The following FREM1 variants were observed in gnomAD, a reference collection of about 807,000 sequenced individuals.
The protein encoded by FREM1 is FRAS1-related extracellular matrix protein 1.
FREM1 carries 220 observed loss-of-function variants against 210.1 expected under a neutral mutation model. That is an observed-to-expected ratio of 1.05 (90% CI 0.94 to 1.17). The LOEUF is 1.17. Ranked by LOEUF, FREM1 falls within the 50% of genes most tolerant of loss-of-function variation. The pLI is 0.00. For missense variants in FREM1, 3,454 were observed against 2,675.5 expected (o/e 1.29, Z -6.42); for synonymous variants, 1,189 against 980.2 (o/e 1.21, Z -3.98).
In FREM1 at chr9:14,807,991, G is replaced by C; in HGVS notation, c.3037C>G (p.Leu1013Val). 1 of 1,613,824 alleles carries C rather than the reference G, an allele frequency of 6.2e-7. No homozygotes were observed. Among genetic ancestry groups the C allele is most frequent in the South Asian group, 1.1e-5 (1 of 91,068 alleles). The part of the protein sequence containing the change: ...PLHASFPVYD[L>V]NITVYPVDNQ... ...TCTACTGGGTATACCGTGATGTTGA[G>C]ATCATACACTGGAAAGGACGCATGA... The change falls in exon 17 of 37, where the codon CTC becomes GTC. Residue 1013 changes from leucine (L) to valine (V), a missense_variant. Transcript: ENST00000380880.
chr9:14,814,071 A>C (rs1207185689), intron 15 of FREM1, among the ~76,000 whole-genome samples: 1 of 151,818 alleles, frequency 6.6e-6, no homozygotes, highest in Non-Finnish European at 1.5e-5. Flanking sequence ...CTCTCTCCCC[A>C]CTGCCCACGT....
intron 2 of FREM1, among the ~76,000 whole-genome samples, chr9:14,866,203 C>A (rs7848161): frequency 0.013 from 1,958 of 152,234 alleles, 46 homozygotes; most frequent in African/African-American, 0.045. Context: ...TTTCTAGTAA[C>A]TGGAGTTTTA....
chr9:14,827,788 G>A (rs1822754935), intron 10 of FREM1, among the ~76,000 whole-genome samples: 1 of 152,174 alleles, frequency 6.6e-6, no homozygotes, highest in African/African-American at 2.4e-5. Context: ...GGACCTGTGG[G>A]GTCTCTGCCC....
chr9:14,827,080 A>G (rs1413200473), intron 10 of FREM1, among the ~76,000 whole-genome samples: 4 of 152,326 alleles, frequency 2.6e-5, no homozygotes, highest in Admixed American at 1.3e-4. Context: ...ACAGACTGGA[A>G]GAATTTGGAG....
At chr9:14,783,529 G>A (rs959984642) in intron 24 of FREM1, among the ~76,000 whole-genome samples, 4 of 152,118 alleles carry the variant, frequency 2.6e-5, no homozygotes, top group African/African-American at 9.7e-5. Flanking sequence ...TGTATACAAT[G>A]GTTCGTTCAA....
At position 14,819,370 on chromosome 9, in the gene FREM1, C is replaced by G; in HGVS notation, c.2410G>C (p.Asp804His). ...ATATTGTCCAGCTTGGTATCTGCATCAGAAATTAGAATGTGCTCTGTGCTG... is the reference window on the plus strand; with the variant it reads ...ATATTGTCCAGCTTGGTATCTGCATGAGAAATTAGAATGTGCTCTGTGCTG... ...IISTEHILIS[D>H]ADTKLDNIDL... Residue 804 changes from aspartate to histidine, a missense_variant, in exon 14 of 37, where the codon GAT (aspartate) becomes CAT (histidine). Transcript: ENST00000380880. 6.2e-7 allele frequency: 1 copy of G among 1,613,716 alleles called. No individual in the cohort carries two copies. The highest frequency in any genetic ancestry group is 8.5e-7 in the Non-Finnish European group (1 of 1,179,696).
chr9:14,802,291 G>C (rs958486445), intron 19 of FREM1, among the ~76,000 whole-genome samples: 2 of 152,138 alleles, frequency 1.3e-5, no homozygotes, highest in Admixed American at 1.3e-4. Context: ...GCTTCTACAA[G>C]TCTTACATTT....
intron 21 of FREM1, among the ~76,000 whole-genome samples, chr9:14,794,771 A>C (rs1852042024): frequency 1.3e-5 from 2 of 152,112 alleles, no homozygotes; most frequent in African/African-American, 4.8e-5. Context: ...AGGCTGAGGC[A>C]GGCAGATCAC....
chr9:14,848,894 A>G lies in FREM1; in HGVS notation c.1153-121T>C, dbSNP rs1021493. ...TTTCTGCGGGGATTCACATTTCTGCAGTTCCCACATCTCATTTAGACATCC... is the reference window on the plus strand; with the variant it reads ...TTTCTGCGGGGATTCACATTTCTGCGGTTCCCACATCTCATTTAGACATCC... On this transcript the variant is annotated intron_variant, in intron 6 of 36. Coordinates refer to ENST00000380880, the MANE Select transcript of FREM1 (RefSeq NM_001379081.2). 0.82 allele frequency: 427,614 copies of G among 518,886 alleles called. 177,745 individuals are homozygous for G. Among genetic ancestry groups the G allele is most frequent in the East Asian group, 0.98 (32,921 of 33,512 alleles). 32.1% of individuals were successfully genotyped at this position (518,886 alleles called of 1,614,324 possible). A position where few individuals can be genotyped will look rare whatever the true frequency, so the allele number is the denominator to read the frequency against.
rs141443405 is a variant in FREM1, at chr9:14,784,901, G to T, written c.4178-267C>A. ...GGAAATACAAATATCATGATAAATT[G>T]TCATCTCATAACTTTTTGATTGGCA... On this transcript the variant is annotated intron_variant, in intron 23 of 36. Transcript: ENST00000380880. 4.1e-3 allele frequency among the ~76,000 whole-genome samples: 630 copies of T among 152,278 alleles called. 4 individuals carry two copies. Among genetic ancestry groups the T allele is most frequent in the African/African-American group, 0.014 (593 of 41,536 alleles).
intron 13 of FREM1, among the ~76,000 whole-genome samples, chr9:14,822,460 T>C (rs1821545980): frequency 6.6e-6 from 1 of 152,162 alleles, no homozygotes; most frequent in African/African-American, 2.4e-5. Flanking sequence ...TAGGCTCTGG[T>C]CCCTTCTGGT....
intron 7 of FREM1, among the ~76,000 whole-genome samples, chr9:14,847,400 A>AGAAGGAAGGAAGGAAAGGAAGGAAG (rs1826850532): frequency 2.9e-5 from 1 of 34,812 alleles, no homozygotes; most frequent in Non-Finnish European, 6.3e-5. Flanking sequence ...AGAGAGAAAA[A>AGAAGGAAGGAAGGAAAGGAAGGAAG]GAAGGAAGGA....
chr9:14,865,676 TG>T (rs1326102553), intron 2 of FREM1, among the ~76,000 whole-genome samples: 2 of 151,646 alleles, frequency 1.3e-5, no homozygotes, highest in African/African-American at 4.9e-5. Context: ...TGTGTGTGTG[TG>T]TGTGTGTGTG....
In FREM1 at chr9:14,797,573, T is replaced by A. The variant is rs751790870; in HGVS notation, c.3764A>T (p.Asp1255Val). 1.2e-6 allele frequency: 2 copies of A among 1,612,576 alleles called. No homozygotes were observed. The highest frequency in any genetic ancestry group is 3.3e-5 in the Admixed American group (2 of 59,974). The change falls in exon 21 of 37, where the codon GAT becomes GTT. Residue 1255 changes from aspartate (D) to valine (V), a missense_variant. Asp to Val is a radical substitution (Grantham distance 152). Transcript: ENST00000380880. ...LADDFTIQLS[D>V]GKHKILKTIS... is the part of the protein sequence containing the mutation. ...GGTTTTAAGTATCTTATGTTTCCCA[T>A]CTGACAATTGGATTGTAAAATCATC...
chr9:14,871,779 C>T (rs1014072544), intron 1 of FREM1, among the ~76,000 whole-genome samples: 48 of 151,584 alleles, frequency 3.2e-4, no homozygotes, highest in Middle Eastern at 3.4e-3. Context: ...ACGGTTTTTA[C>T]GGTTTTTACG....
intron 29 of FREM1, among the ~76,000 whole-genome samples, chr9:14,751,154 G>A (rs1843303579): frequency 6.6e-6 from 1 of 152,186 alleles, no homozygotes; most frequent in Non-Finnish European, 1.5e-5. Context: ...GTGGTGGAAG[G>A]AAGTAAAGGG....
chr9:14,804,185 G>T (rs144575649), intron 19 of FREM1, among the ~76,000 whole-genome samples: 1 of 152,034 alleles, frequency 6.6e-6, no homozygotes, highest in Non-Finnish European at 1.5e-5. Flanking sequence ...GCAAAATATG[G>T]TTATCTAAAA....
chr9:14,797,483 T>C lies in FREM1; in HGVS notation c.3839+15A>G, dbSNP rs1852650929. 1.9e-6 allele frequency: 3 copies of C among 1,597,728 alleles called. No homozygotes were observed. Among genetic ancestry groups the C allele is most frequent in the Non-Finnish European group, 2.6e-6 (3 of 1,170,774 alleles). The stretch of plus-strand genomic sequence containing the variant: ...TGTATAGAAATCTGAAAGGGACTCT[T>C]TTCAGGTAGCTTACTTGCTCAGCAT... On this transcript the variant is annotated intron_variant, in intron 21 of 36. Transcript: ENST00000380880.
At chr9:14,904,793 T>TTGGAGAG (rs1264109072) in intron 1 of FREM1, among the ~76,000 whole-genome samples, 1 of 152,160 alleles carries the variant, frequency 6.6e-6, no homozygotes, top group African/African-American at 2.4e-5. Context: ...CTCCAACCTC[T>TTGGAGAG]TCTTGCATGA....
Sources: gnomAD v4.1 joint callset for allele counts (sites outside exome capture counted in the v4.1 genomes callset) on GRCh38, gnomAD v4.1.1 for gene constraint, MANE v1.5 for transcripts, NCBI Gene and HGNC (gene_info 2026-07-23, HGNC 2026-07-21) for gene names.